Variants in NRG1 observed in about 807,000 individuals in gnomAD.
The protein encoded by NRG1 is pro-neuregulin-1, membrane-bound isoform.
Under a neutral mutation model 63.8 loss-of-function variants are expected in NRG1, and 18 were observed. The ratio of observed to expected loss-of-function variants is 0.28; its 90% confidence interval spans 0.19 to 0.42. The LOEUF is 0.42. Ranked by LOEUF, NRG1 falls within the 10% of genes least tolerant of loss-of-function variation. NRG1 has a pLI of 1.00. For synonymous variants in NRG1, 302 were observed against 301.3 expected, an observed-to-expected ratio of 1.00 and a Z score of -0.02; for missense variants, 762 against 814.7, an observed-to-expected ratio of 0.94 and a Z score of 0.79.
At chr8:31,688,753 GAT>G (rs1809174903) in intron 1 of NRG1, among the ~76,000 whole-genome samples, 1 of 152,208 alleles carries the variant, frequency 6.6e-6, no homozygotes, top group Admixed American at 6.5e-5. Context: ...AAGAGAGAAT[GAT>G]AGTTTTCAAT....
At chr8:32,559,539 T>C (rs903061252) in intron 1 of NRG1, among the ~76,000 whole-genome samples, 3 of 152,218 alleles carry the variant, frequency 2.0e-5, no homozygotes, top group African/African-American at 7.2e-5. Flanking sequence ...GCAGATTGCC[T>C]GAAAATGTTC....
intron 1 of NRG1, among the ~76,000 whole-genome samples, chr8:32,196,031 AATAGTATTAGTTATTT>A (rs1163854012): frequency 6.6e-6 from 1 of 152,114 alleles, no homozygotes; most frequent in Non-Finnish European, 1.5e-5. Flanking sequence ...ATTAGTTACT[AATAGTATTAGTTATTT>A]AGTAAATTAC....
chr8:31,728,333 G>T (rs752962351), intron 1 of NRG1, among the ~76,000 whole-genome samples: 1 of 152,100 alleles, frequency 6.6e-6, no homozygotes, highest in East Asian at 1.9e-4. Flanking sequence ...GTGTGGTGGT[G>T]CAAACCTGTA....
At chr8:31,772,212 T>G (rs1818691380) in intron 1 of NRG1, among the ~76,000 whole-genome samples, 1 of 152,196 alleles carries the variant, frequency 6.6e-6, no homozygotes, top group African/African-American at 2.4e-5. Context: ...GCTGTTAAAC[T>G]TTTGTCTTCT....
At chr8:32,113,707 G>C (rs548288520) in intron 1 of NRG1, among the ~76,000 whole-genome samples, 180 of 152,308 alleles carry the variant, frequency 1.2e-3, no homozygotes, top group South Asian at 5.4e-3. Context: ...CAATTCATTT[G>C]TGAGTAATAC....
chr8:31,858,391 G>C (rs186862607), intron 1 of NRG1, among the ~76,000 whole-genome samples: 3 of 152,070 alleles, frequency 2.0e-5, no homozygotes, highest in South Asian at 4.1e-4. Context: ...AGGTGAAAAA[G>C]CTTGATAAGT....
chr8:32,475,999 T>A (rs895124063), intron 1 of NRG1, among the ~76,000 whole-genome samples: 1 of 152,180 alleles, frequency 6.6e-6, no homozygotes, highest in Non-Finnish European at 1.5e-5. Context: ...TATGCCTATC[T>A]TGCCGAAGAG....
At chr8:31,691,594 CAAAA>C (rs71208138) in intron 1 of NRG1, among the ~76,000 whole-genome samples, 17 of 34,992 alleles carry the variant, frequency 4.9e-4, no homozygotes, top group Admixed American at 4.0e-3. Context: ...GACTCTGTCT[CAAAA>C]AAAAAAAAAA....
In NRG1 at chr8:32,618,444, T is replaced by A. The variant is rs1045590484; in HGVS notation, c.502+1559T>A. Among the ~76,000 whole-genome samples the A allele has an allele frequency of 2.0e-5, 3 of 152,166 alleles. No individual in the cohort carries two copies. In the South Asian group the frequency reaches 6.2e-4, roughly 31 times the overall value. ...CCAAGCTTTGGGGAACTGAAATAAA[T>A]CTCTCAGTTTATGTTTCTATTCATT... On this transcript the variant is annotated intron_variant, in intron 5 of 11. Coordinates refer to ENST00000356819, the Ensembl canonical transcript of NRG1.
At chr8:32,720,825 A>G (rs1220548960) in intron 5 of NRG1, among the ~76,000 whole-genome samples, 1 of 152,148 alleles carries the variant, frequency 6.6e-6, no homozygotes, top group African/African-American at 2.4e-5. Flanking sequence ...AAAAAACAGC[A>G]ACTTGTAGGT....
At chr8:32,374,714 G>T (rs1191606615) in intron 1 of NRG1, among the ~76,000 whole-genome samples, 1 of 152,010 alleles carries the variant, frequency 6.6e-6, no homozygotes, top group African/African-American at 2.4e-5. Context: ...TGAGAGAACA[G>T]ATAGGGTTCT....
chr8:32,593,295 G>A (rs1387405108), intron 1 of NRG1, among the ~76,000 whole-genome samples: 1 of 152,118 alleles, frequency 6.6e-6, no homozygotes, highest in African/African-American at 2.4e-5. Context: ...AATTAATGAG[G>A]CAATGTATTT....
rs1554601616 is a variant in NRG1 at position 32,608,100 on chromosome 8, T to TTG, written c.400+2418_400+2419insGT. 2.2e-3 allele frequency among the ~76,000 whole-genome samples: 293 copies of TTG among 131,368 alleles called. 2 individuals are homozygous for TTG. Among genetic ancestry groups the TTG allele is most frequent in the Non-Finnish European group, 2.7e-3 (174 of 64,270 alleles). 86.2% of individuals were successfully genotyped at this position (131,368 alleles called of 152,430 possible). A position where few individuals can be genotyped will look rare whatever the true frequency, so the allele number is the denominator to read the frequency against. The stretch of plus-strand genomic sequence containing the variant: ...GAACCCAGGTTTTTTTTGTTTTTTT[T>TTG]TTTTTTGTTTTTTTTTTTTTTTGCT... On this transcript the variant is annotated intron_variant, in intron 3 of 11. Transcript: ENST00000356819.
At chr8:32,044,904 A>G (rs1182783749) in intron 1 of NRG1, among the ~76,000 whole-genome samples, 1 of 117,878 alleles carries the variant, frequency 8.5e-6, no homozygotes, top group Non-Finnish European at 1.8e-5. Context: ...GAACTTACAT[A>G]AAGAAAAGCA....
upstream of NRG1, among the ~76,000 whole-genome samples, chr8:32,545,075 C>T (rs1588196082): frequency 6.6e-6 from 1 of 152,150 alleles, no homozygotes; most frequent in Middle Eastern, 3.4e-3. Flanking sequence ...AATATTTTGC[C>T]AAAAATGCAA....
chr8:32,636,176 G>T (rs144705215), intron 5 of NRG1, among the ~76,000 whole-genome samples: 2 of 151,662 alleles, frequency 1.3e-5, no homozygotes, highest in Admixed American at 1.3e-4. Context: ...AACAAATTAA[G>T]TTAAGCCGTT....
intron 2 of NRG1, among the ~76,000 whole-genome samples, chr8:32,601,568 A>G (rs1372745159): frequency 2.0e-5 from 3 of 152,072 alleles, no homozygotes; most frequent in Non-Finnish European, 4.4e-5. Flanking sequence ...TTCCTTTTCC[A>G]TATGCATCCT....
chr8:31,962,719 G>A (rs879591323), intron 1 of NRG1, among the ~76,000 whole-genome samples: 22 of 152,104 alleles, frequency 1.4e-4, no homozygotes, highest in Non-Finnish European at 2.9e-4. Flanking sequence ...TTTAAGTCCT[G>A]TTTCTTCCCA....
intron 1 of NRG1, among the ~76,000 whole-genome samples, chr8:31,880,683 A>G (rs181446366): frequency 4.1e-4 from 63 of 152,326 alleles, no homozygotes; most frequent in African/African-American, 1.5e-3. Flanking sequence ...GTCATATATA[A>G]CAAATATTTA....
Sources: allele counts gnomAD v4.1 joint callset (sites outside exome capture counted in the v4.1 genomes callset), GRCh38; gene constraint gnomAD v4.1.1; transcripts MANE v1.5; gene names NCBI Gene and HGNC (gene_info 2026-07-23, HGNC 2026-07-21).